TAB2: variants seen among roughly 807,000 people sequenced by gnomAD.
TAB2 encodes TGF-beta-activated kinase 1 and MAP3K7-binding protein 2.
TAB2 carries 3 observed loss-of-function variants against 65.0 expected under a neutral mutation model. The ratio of observed to expected loss-of-function variants is 0.05; its 90% CI spans 0.02 to 0.12. TAB2 has a LOEUF of 0.12. TAB2 is among the 10% of genes least tolerant of loss of function. The pLI is 1.00. For synonymous variants in TAB2, 298 were observed against 285.1 expected (o/e 1.05, Z -0.46); for missense variants, 623 against 840.3 (o/e 0.74, Z 3.20).
At chr6:149,341,037 A>C (rs1780105272) in intron 1 of TAB2, among the ~76,000 whole-genome samples, 1 of 152,106 alleles carries the variant, frequency 6.6e-6, no homozygotes, top group South Asian at 2.1e-4. Flanking sequence ...TGCCCTTAAA[A>C]CATTTCCTAA....
chr6:149,383,413 T>G (rs957989722), intron 3 of TAB2, among the ~76,000 whole-genome samples: 2 of 152,206 alleles, frequency 1.3e-5, no homozygotes, highest in African/African-American at 4.8e-5. Context: ...CTAACAACCT[T>G]TAAACATACC....
intron 1 of TAB2, among the ~76,000 whole-genome samples, chr6:149,344,086 T>C (rs1341256419): frequency 6.6e-6 from 1 of 152,236 alleles, no homozygotes; most frequent in African/African-American, 2.4e-5. Context: ...ACTGATTATG[T>C]GCCACATTAT....
chr6:149,377,727 A>T (rs377256247), intron 2 of TAB2, among the ~76,000 whole-genome samples: 5 of 152,194 alleles, frequency 3.3e-5, no homozygotes, highest in Non-Finnish European at 7.3e-5. Context: ...TAATTAGGTT[A>T]TAATTTTACT....
chr6:149,259,334 TACACACACACACACACAC>T (rs61261942), intron 1 of TAB2, among the ~76,000 whole-genome samples: 2 of 145,930 alleles, frequency 1.4e-5, no homozygotes, highest in Non-Finnish European at 3.0e-5. Context: ...ACGCTCCCTC[TACACACACACACACACAC>T]ACACACACAC....
At chr6:149,345,997 C>T (rs541433031) in intron 1 of TAB2, among the ~76,000 whole-genome samples, 1 of 152,146 alleles carries the variant, frequency 6.6e-6, no homozygotes, top group African/African-American at 2.4e-5. Context: ...TCCTAGATGG[C>T]CATTGAGGTT....
chr6:149,393,112 GA>G (rs1269015988), intron 3 of TAB2, among the ~76,000 whole-genome samples: 5 of 152,034 alleles, frequency 3.3e-5, no homozygotes, highest in East Asian at 1.9e-4. Flanking sequence ...CCACTTAGAA[GA>G]AAAAATTGCT....
At chr6:149,338,948 G>A (rs1355173766) in intron 1 of TAB2, among the ~76,000 whole-genome samples, 1 of 152,210 alleles carries the variant, frequency 6.6e-6, no homozygotes, top group Non-Finnish European at 1.5e-5. Flanking sequence ...GCAGCAATGG[G>A]AGCTGCCATG....
intron 1 of TAB2, among the ~76,000 whole-genome samples, chr6:149,302,783 C>A (rs577260337): frequency 6.6e-6 from 1 of 152,356 alleles, no homozygotes; most frequent in African/African-American, 2.4e-5. Flanking sequence ...CTTTCTTTCA[C>A]AGATTCATAT....
intron 1 of TAB2, among the ~76,000 whole-genome samples, chr6:149,253,465 C>T (rs978055957): frequency 1.3e-5 from 2 of 151,542 alleles, no homozygotes; most frequent in Non-Finnish European, 2.9e-5. Context: ...TGCTAGAAAC[C>T]ACACAACCAT....
chr6:149,348,925 C>A (rs1231541914), intron 1 of TAB2, among the ~76,000 whole-genome samples: 5 of 151,624 alleles, frequency 3.3e-5, no homozygotes, highest in African/African-American at 1.2e-4. Flanking sequence ...CGAGATCGCA[C>A]CGTTGAACTC....
chr6:149,370,908 A>G (rs1040663068), intron 2 of TAB2, among the ~76,000 whole-genome samples: 9 of 151,926 alleles, frequency 5.9e-5, no homozygotes, highest in African/African-American at 2.2e-4. Context: ...TCTACTGAAA[A>G]TACCAAAATT....
chr6:149,287,573 T>C (rs996503540), intron 1 of TAB2, among the ~76,000 whole-genome samples: 6 of 152,292 alleles, frequency 3.9e-5, no homozygotes, highest in Middle Eastern at 3.4e-3. Flanking sequence ...TAAAGGCATT[T>C]CTTTGAATCC....
intron 1 of TAB2, among the ~76,000 whole-genome samples, chr6:149,227,650 CATCCCCAGTGAGG>C: frequency 6.6e-6 from 1 of 152,226 alleles, no homozygotes; most frequent in Non-Finnish European, 1.5e-5. Context: ...GCCCCCAGAA[CATCCCCAGTGAGG>C]AATCTTTTCT....
At position 149,370,115 on chromosome 6, in the gene TAB2, T is replaced by C. The variant is rs1415882090; in HGVS notation, c.102+16T>C. 2 of 1,605,036 alleles carry C rather than the reference T, an allele frequency of 1.2e-6. No homozygotes were observed. Among genetic ancestry groups the C allele is most frequent in the Non-Finnish European group, 8.5e-7 (1 of 1,171,898 alleles). Reference sequence around the variant, plus strand: ...CATGTTACAGGTCAGTGTTCAATGATTTCTGAATTTGTTAATACAAACCTG... The same window carrying C: ...CATGTTACAGGTCAGTGTTCAATGACTTCTGAATTTGTTAATACAAACCTG... On this transcript the variant is annotated intron_variant, in intron 2 of 6. Transcript: ENST00000637181.
At chr6:149,229,419 TTTGTGTG>T (rs1777356324) in intron 1 of TAB2, among the ~76,000 whole-genome samples, 1 of 147,368 alleles carries the variant, frequency 6.8e-6, no homozygotes, top group African/African-American at 2.5e-5. Context: ...TGTGTGTGTG[TTTGTGTG>T]TGTGTAATTT....
At chr6:149,237,363 G>A (rs1369994990) in intron 1 of TAB2, among the ~76,000 whole-genome samples, 1 of 152,146 alleles carries the variant, frequency 6.6e-6, no homozygotes, top group Non-Finnish European at 1.5e-5. Context: ...TTTCACATCT[G>A]TTAAGGAGCA....
chr6:149,234,493 C>T (rs546171428), intron 1 of TAB2, among the ~76,000 whole-genome samples: 6 of 152,122 alleles, frequency 3.9e-5, no homozygotes, highest in African/African-American at 1.4e-4. Context: ...TAGGGTTTTG[C>T]GTAAGGTTTT....
chr6:149,248,731 A>G (rs1777792437), intron 1 of TAB2, among the ~76,000 whole-genome samples: 1 of 152,150 alleles, frequency 6.6e-6, no homozygotes. Context: ...GTCTGCTATA[A>G]AGGGAGTGAA....
chr6:149,280,249 C>G (rs1763608072), intron 1 of TAB2, among the ~76,000 whole-genome samples: 1 of 152,180 alleles, frequency 6.6e-6, no homozygotes, highest in Non-Finnish European at 1.5e-5. Context: ...GTACTAACTT[C>G]ATGAGTTGGT....
Sources: gnomAD v4.1 joint callset for allele counts (sites outside exome capture counted in the v4.1 genomes callset) on GRCh38, gnomAD v4.1.1 for gene constraint, MANE v1.5 for transcripts, NCBI Gene and HGNC (gene_info 2026-07-23, HGNC 2026-07-21) for gene names.